The following ZNF107 variants were observed in gnomAD, a reference collection of about 807,000 sequenced individuals.
ZNF107 encodes C2H2 type zinc-finger protein.
In ZNF107, 19 loss-of-function variants were observed where a neutral mutation model predicts 12.3. The ratio of observed to expected loss-of-function variants is 1.55; its 90% CI spans 1.08 to 2.27. ZNF107 has a LOEUF of 2.27. Among genes scored for constraint, ZNF107 ranks in the 30% most tolerant of loss-of-function variants. The pLI is 0.00. For missense variants in ZNF107, 958 were observed against 979.9 expected, an observed-to-expected ratio of 0.98 and a Z score of 0.30; for synonymous variants, 317 against 330.5, an observed-to-expected ratio of 0.96 and a Z score of 0.44.
rs1351143909 is a variant in ZNF107 at position 64,707,127 on chromosome 7, A to G, written c.1030A>G (p.Lys344Glu). The G allele has an allele frequency of 2.5e-6, 4 of 1,613,094 alleles. No homozygotes were observed. The highest frequency in any genetic ancestry group is 2.7e-5 in the African/African-American group (2 of 74,832). Residue 344 changes from lysine to glutamate, a missense_variant, in exon 4 of 4, where the codon AAA becomes GAA. By Grantham distance (56) the Lys-to-Glu change is moderately conservative. Coordinates refer to ENST00000620827, the MANE Select transcript of ZNF107 (RefSeq NM_001282359.2). ...TGCTGGGGAGAAACCCTACAAATGTAAAGAATGTGGCAGAGCTTTTAACAT... is the reference window on the plus strand; with the variant it reads ...TGCTGGGGAGAAACCCTACAAATGTGAAGAATGTGGCAGAGCTTTTAACAT... ...IHAGEKPYKC[K>E]ECGRAFNISS... is the part of the protein sequence containing the mutation.
chr7:64,681,920 C>T (rs1789694595), intron 1 of ZNF107, among the ~76,000 whole-genome samples: 1 of 152,088 alleles, frequency 6.6e-6, no homozygotes, highest in South Asian at 2.1e-4. Context: ...ATGCCTTCTA[C>T]ACCATTCCCC....
intron 1 of ZNF107, among the ~76,000 whole-genome samples, chr7:64,672,530 T>C (rs1249231937): frequency 6.6e-6 from 1 of 152,078 alleles, no homozygotes; most frequent in Non-Finnish European, 1.5e-5. Flanking sequence ...CTAATTTTTC[T>C]TTTTGTATTT....
At position 64,691,952 on chromosome 7, in the gene ZNF107, A is replaced by G; in HGVS notation, c.218A>G (p.Lys73Arg). Residue 73 changes from lysine (K) to arginine (R), a missense_variant, in exon 3 of 4, where the codon AAA (lysine) becomes AGA (arginine). Physicochemically the swap from Lys to Arg is conservative, Grantham distance 26 (BLOSUM62 2). Coordinates refer to ENST00000620827, the MANE Select transcript of ZNF107 (RefSeq NM_001282359.2). Reference sequence around the variant, plus strand: ...ATAAAAAGACATGAGATGGTAGCCAAACCCCCAGGTAGGTGAGAGTGAAAG... The same window carrying G: ...ATAAAAAGACATGAGATGGTAGCCAGACCCCCAGGTAGGTGAGAGTGAAAG... Reference protein sequence around the residue: ...WNIKRHEMVAKPPVMSFHFAQ... With the variant: ...WNIKRHEMVARPPVMSFHFAQ... 3 of 1,517,456 alleles carry G rather than the reference A, an allele frequency of 2.0e-6. No homozygotes were observed. Among genetic ancestry groups the G allele is most frequent in the Non-Finnish European group, 2.6e-6 (3 of 1,133,960 alleles). The allele number at this position is 1,517,456 out of a possible 1,614,324, so 94.0% of individuals were successfully genotyped here.
chr7:64,671,012 A>T (rs1205138536), intron 1 of ZNF107, among the ~76,000 whole-genome samples: 1 of 152,184 alleles, frequency 6.6e-6, no homozygotes, highest in Non-Finnish European at 1.5e-5. Flanking sequence ...CAGAATTCAA[A>T]TGTTAAACAA....
intron 1 of ZNF107, among the ~76,000 whole-genome samples, chr7:64,673,009 C>G (rs933728142): frequency 1.3e-5 from 2 of 152,220 alleles, no homozygotes; most frequent in East Asian, 3.9e-4. Context: ...TAGTTTTTCT[C>G]TGCATTTTTC....
chr7:64,679,059 T>C (rs1789542607), intron 1 of ZNF107: 1 of 165,380 alleles, frequency 6.0e-6, no homozygotes, highest in African/African-American at 2.4e-5. Flanking sequence ...TACTTTGTGT[T>C]ATGGTGTAGT....
intron 1 of ZNF107, among the ~76,000 whole-genome samples, chr7:64,673,604 G>A (rs777608772): frequency 2.0e-5 from 3 of 152,148 alleles, no homozygotes; most frequent in Non-Finnish European, 2.9e-5. Flanking sequence ...TTTAGCTTTT[G>A]TTGCATTTGC....
chr7:64,699,113 C>T (rs1790387300), intron 3 of ZNF107, among the ~76,000 whole-genome samples: 2 of 151,402 alleles, frequency 1.3e-5, no homozygotes, highest in Non-Finnish European at 2.9e-5. Context: ...AGTATAATGC[C>T]TCTTTGTTTT....
intron 3 of ZNF107, among the ~76,000 whole-genome samples, chr7:64,699,988 A>G (rs1043955030): frequency 3.6e-5 from 5 of 139,778 alleles, no homozygotes; most frequent in African/African-American, 1.4e-4. Context: ...AATGGTGTGA[A>G]CTCAGGAGGC....
At chr7:64,681,470 A>G (rs1172118590) in intron 1 of ZNF107, among the ~76,000 whole-genome samples, 4 of 151,378 alleles carry the variant, frequency 2.6e-5, no homozygotes, top group African/African-American at 4.9e-5. Context: ...CTCCCTCACT[A>G]TTCCTAGGCT....
chr7:64,707,047 A>G lies in ZNF107; in HGVS notation c.950A>G (p.Glu317Gly). 3 of 1,612,264 alleles carry G rather than the reference A, an allele frequency of 1.9e-6. No homozygotes were observed. Among genetic ancestry groups the G allele is most frequent in the African/African-American group, 2.7e-5 (2 of 74,944 alleles). The change falls in exon 4 of 4, where the codon GAA (glutamate) becomes GGA (glycine). Residue 317 changes from glutamate to glycine, a missense_variant. By Grantham distance (98) the Glu-to-Gly change is moderately conservative. Coordinates refer to ENST00000620827, the MANE Select transcript of ZNF107 (RefSeq NM_001282359.2). ...HTGENLYKCKECGKAFNLFSN... is the reference protein window; with the variant it reads ...HTGENLYKCKGCGKAFNLFSN... ...GGAGAGAACCTCTACAAGTGTAAAG[A>G]ATGTGGAAAAGCTTTTAACCTATTC...
chr7:64,707,279 G>A lies in ZNF107; in HGVS notation c.1182G>A (p.Glu394=). The A allele has an allele frequency of 6.2e-7, 1 of 1,612,508 alleles. No individual in the cohort carries two copies. The highest frequency in any genetic ancestry group is 8.5e-7 in the Non-Finnish European group (1 of 1,179,480). Residue 394 remains glutamate, a synonymous_variant, in exon 4 of 4, where the codon GAG becomes GAA. Coordinates refer to ENST00000620827, the MANE Select transcript of ZNF107 (RefSeq NM_001282359.2). ...CACATAAGAAAATTCTAATGGAAGA[G>A]AAACCCTACAAATGTGAAGAATGTG... ...LTAHKKILME[E]KPYKCEECGK...
intron 3 of ZNF107, among the ~76,000 whole-genome samples, chr7:64,704,215 T>A (rs1309260337): frequency 3.3e-5 from 5 of 152,122 alleles, no homozygotes; most frequent in Non-Finnish European, 7.4e-5. Flanking sequence ...TGAAATTCTG[T>A]TTTTGTATAT....
At chr7:64,686,645 T>C (rs923337841) in intron 1 of ZNF107, 1 of 985,148 alleles carries the variant, frequency 1.0e-6, no homozygotes, top group Non-Finnish European at 1.2e-6. Context: ...CCAGCACATA[T>C]GCCTCCAGAC....
intron 1 of ZNF107, among the ~76,000 whole-genome samples, chr7:64,685,238 T>C (rs1364890304): frequency 6.6e-6 from 1 of 152,102 alleles, no homozygotes; most frequent in South Asian, 2.1e-4. Context: ...CCTTTATGCA[T>C]CCAACACAAC....
intron 1 of ZNF107, among the ~76,000 whole-genome samples, chr7:64,685,492 A>G (rs914871967): frequency 6.6e-6 from 1 of 151,874 alleles, no homozygotes; most frequent in Admixed American, 6.6e-5. Flanking sequence ...CTGCAGCAGC[A>G]CTCCCACCAC....
Position 64,672,471 on chromosome 7 carries a change from C to G in ZNF107, c.3+6186C>G, listed in dbSNP as rs148846657. ...TCCCTGGCTCAAGCAATCCTCCTAC[C>G]TAAGCCCTCCAAGTAGCTGGAACTA... On this transcript the variant is annotated intron_variant, in intron 1 of 3. Coordinates refer to ENST00000620827, the MANE Select transcript of ZNF107 (RefSeq NM_001282359.2). Among the ~76,000 whole-genome samples, 1,212 of 152,280 alleles carry G rather than the reference C, an allele frequency of 8.0e-3. 13 individuals are homozygous for G. Among genetic ancestry groups the G allele is most frequent in the Non-Finnish European group, 0.014 (941 of 68,030 alleles).
intron 3 of ZNF107, among the ~76,000 whole-genome samples, chr7:64,700,636 T>A (rs1467025712): frequency 7.0e-6 from 1 of 141,916 alleles, no homozygotes; most frequent in Non-Finnish European, 1.5e-5. Flanking sequence ...GCCTCCTGGG[T>A]TCAAGTGATT....
chr7:64,697,817 G>C (rs1048430038), intron 3 of ZNF107, among the ~76,000 whole-genome samples: 3 of 151,260 alleles, frequency 2.0e-5, no homozygotes, highest in African/African-American at 7.3e-5. Context: ...CAGCCTCTCC[G>C]AGTAGCTGGG....
Sources: gnomAD v4.1 joint callset for allele counts (sites outside exome capture counted in the v4.1 genomes callset) on GRCh38, gnomAD v4.1.1 for gene constraint, MANE v1.5 for transcripts, NCBI Gene and HGNC (gene_info 2026-07-23, HGNC 2026-07-21) for gene names.